RAB11FIP4: variants seen among roughly 807,000 people sequenced by gnomAD.
RAB11FIP4 encodes the protein rab11 family-interacting protein 4.
In RAB11FIP4, 23 loss-of-function variants were observed where a neutral mutation model predicts 74.3. The observed-to-expected ratio is 0.31, with a 90% confidence interval of 0.22 to 0.44. The LOEUF (loss-of-function observed/expected upper bound fraction) is 0.44, where lower values mean the gene tolerates loss of function less well. Among genes scored for constraint, RAB11FIP4 ranks in the 20% least tolerant of loss-of-function variants. The probability of loss-of-function intolerance (pLI) is 1.00; values close to 1 mark genes in which losing one functional copy is unlikely to be tolerated. For synonymous variants in RAB11FIP4, 360 were observed against 359.9 expected, an observed-to-expected ratio of 1.00 and a Z score of 0.00; for missense variants, 630 against 863.9, an observed-to-expected ratio of 0.73 and a Z score of 3.39.
chr17:31,518,926 G>C (rs1220165968), intron 4 of RAB11FIP4, among the ~76,000 whole-genome samples: 1 of 151,746 alleles, frequency 6.6e-6, no homozygotes, highest in Admixed American at 6.6e-5. Flanking sequence ...TCCGCCTCCC[G>C]GGTTCAAGCG....
chr17:31,531,681 T>C lies in RAB11FIP4; in HGVS notation c.1863T>C (p.Ile621=). 1 of 1,614,008 alleles carries C rather than the reference T, an allele frequency of 6.2e-7. No homozygotes were observed. The highest frequency in any genetic ancestry group is 1.7e-5 in the Admixed American group (1 of 60,018). The part of the protein sequence containing the change: ...NFRLRQYMDK[I]ILAILDHNPS... ...GGCTGAGGCAGTACATGGACAAGAT[T>C]ATCCTCGCCATCCTGGACCACAATC... Residue 621 remains isoleucine (I), a synonymous_variant, in exon 15 of 15, where the codon ATT becomes ATC. Coordinates refer to ENST00000621161, the MANE Select transcript of RAB11FIP4 (RefSeq NM_032932.6).
chr17:31,426,714 T>C (rs1283525019), intron 1 of RAB11FIP4, among the ~76,000 whole-genome samples: 2 of 149,176 alleles, frequency 1.3e-5, no homozygotes, highest in Non-Finnish European at 3.0e-5. Context: ...TTCTCCTGCC[T>C]CGGCCTCCCA....
chr17:31,502,887 A>AC (rs1385800940), intron 3 of RAB11FIP4, among the ~76,000 whole-genome samples: 3 of 152,186 alleles, frequency 2.0e-5, no homozygotes, highest in African/African-American at 7.2e-5. Context: ...TGGCTTGCAG[A>AC]CAGCCATCTT....
rs184231925 is a variant in RAB11FIP4, at chr17:31,399,572, G to T, written c.159+7561G>T. Among the ~76,000 whole-genome samples, 213 of 151,860 alleles carry T rather than the reference G, an allele frequency of 1.4e-3. 1 individual carries two copies. Among genetic ancestry groups the T allele is most frequent in the African/African-American group, 4.7e-3 (193 of 41,376 alleles). On this transcript the variant is annotated intron_variant, in intron 1 of 14. Transcript: ENST00000621161. ...TACTAAAAATACAAAAATTAGCCGGGCGTGGTGGCATGCGCCTGTAGTCCC... is the reference window on the plus strand; with the variant it reads ...TACTAAAAATACAAAAATTAGCCGGTCGTGGTGGCATGCGCCTGTAGTCCC...
At chr17:31,493,248 A>G (rs771084313) in intron 3 of RAB11FIP4, among the ~76,000 whole-genome samples, 2 of 152,236 alleles carry the variant, frequency 1.3e-5, no homozygotes, top group Non-Finnish European at 2.9e-5. Flanking sequence ...AATTCAGATG[A>G]AAACAAAGCT....
At chr17:31,461,752 C>G (rs1244445683) in intron 3 of RAB11FIP4, among the ~76,000 whole-genome samples, 1 of 150,938 alleles carries the variant, frequency 6.6e-6, no homozygotes, top group Non-Finnish European at 1.5e-5. Context: ...AGGTCTTGCT[C>G]TGTCACCCAG....
chr17:31,507,815 GTTTTATTTTA>G (rs558600079), intron 3 of RAB11FIP4, among the ~76,000 whole-genome samples: 17 of 151,992 alleles, frequency 1.1e-4, no homozygotes, highest in African/African-American at 2.9e-4. Flanking sequence ...AATATGTTTT[GTTTTATTTTA>G]TTTTATTTTA....
At chr17:31,492,849 C>G (rs1405158057) in intron 3 of RAB11FIP4, among the ~76,000 whole-genome samples, 2 of 108,022 alleles carry the variant, frequency 1.9e-5, no homozygotes, top group Admixed American at 1.7e-4. Context: ...GCTGAGCCCC[C>G]CTCAAGAGCA....
intron 3 of RAB11FIP4, among the ~76,000 whole-genome samples, chr17:31,458,405 G>C (rs1017610510): frequency 2.0e-5 from 3 of 152,198 alleles, no homozygotes; most frequent in Non-Finnish European, 4.4e-5. Flanking sequence ...GCATTGCGGG[G>C]AGGCAAGATT....
At chr17:31,455,930 A>G (rs178869) in intron 3 of RAB11FIP4, among the ~76,000 whole-genome samples, 86,542 of 151,492 alleles carry the variant, frequency 0.57, 25,396 homozygotes, top group African/African-American at 0.69. Context: ...TGAGAGTGCC[A>G]TCCTGGGCTT....
intron 3 of RAB11FIP4, among the ~76,000 whole-genome samples, chr17:31,496,002 C>T (rs2072109766): frequency 6.6e-6 from 1 of 152,020 alleles, no homozygotes; most frequent in African/African-American, 2.4e-5. Flanking sequence ...CGCACATTTG[C>T]GGATTATTAT....
chr17:31,517,565 C>A, intron 3 of RAB11FIP4, 86 bp from the exon 4 acceptor site: 3 of 1,326,070 alleles, frequency 2.3e-6, no homozygotes, highest in Middle Eastern at 2.1e-4. Flanking sequence ...CTGTTTTGGC[C>A]TGGCTGATGC....
intron 3 of RAB11FIP4, among the ~76,000 whole-genome samples, chr17:31,448,040 G>A (rs1005625466): frequency 6.6e-6 from 1 of 151,768 alleles, no homozygotes; most frequent in Non-Finnish European, 1.5e-5. Context: ...TTGAGCTCCC[G>A]GGCTGAAGCG....
At chr17:31,528,214 T>C (rs1051502343) in intron 11 of RAB11FIP4, among the ~76,000 whole-genome samples, 192 bp from the exon 12 acceptor site, 1 of 152,238 alleles carries the variant, frequency 6.6e-6, no homozygotes, top group Non-Finnish European at 1.5e-5. Context: ...CCTGAGGTTT[T>C]TAGTTGTATT....
At chr17:31,402,779 T>G (rs562819141) in intron 1 of RAB11FIP4, among the ~76,000 whole-genome samples, 137 of 150,854 alleles carry the variant, frequency 9.1e-4, no homozygotes, top group Middle Eastern at 6.8e-3. Flanking sequence ...CCACCATCAC[T>G]CCTGGCTAAT....
intron 3 of RAB11FIP4, chr17:31,488,072 C>G: frequency 3.9e-6 from 4 of 1,016,448 alleles, no homozygotes; most frequent in Non-Finnish European, 4.7e-6. Flanking sequence ...CCACGCGGGT[C>G]TCCCGGCAAC....
chr17:31,513,686 A>G (rs1436344100), intron 3 of RAB11FIP4, among the ~76,000 whole-genome samples: 1 of 152,212 alleles, frequency 6.6e-6, no homozygotes, highest in Non-Finnish European at 1.5e-5. Flanking sequence ...AAATGGTTTT[A>G]AAGTTATAAT....
chr17:31,440,733 C>T (rs1354032084), intron 3 of RAB11FIP4, among the ~76,000 whole-genome samples: 3 of 152,200 alleles, frequency 2.0e-5, no homozygotes, highest in African/African-American at 4.8e-5. Flanking sequence ...CACGCCATTG[C>T]GCTTAAGCCT....
At position 31,412,693 on chromosome 17, in the gene RAB11FIP4, C is replaced by T. The variant is rs542128596; in HGVS notation, c.160-19120C>T. Among the ~76,000 whole-genome samples, 182 of 152,308 alleles carry T rather than the reference C, an allele frequency of 1.2e-3. 2 individuals are homozygous for T. In the South Asian group the frequency reaches 0.02, roughly 17 times the overall value. ...TCTTGTCCCCAGCCCCTGGCTAGAC[C>T]TGGCCCAGGAAATGTACGTGAACAC... is the stretch of plus-strand genomic sequence containing the variant. On this transcript the variant is annotated intron_variant, in intron 1 of 14. Transcript: ENST00000621161.
Sources: allele counts gnomAD v4.1 joint callset (sites outside exome capture counted in the v4.1 genomes callset), GRCh38; gene constraint gnomAD v4.1.1; transcripts MANE v1.5; gene names NCBI Gene and HGNC (gene_info 2026-07-23, HGNC 2026-07-21).